Variants in AVEN observed in about 807,000 individuals in gnomAD.
AVEN encodes the protein apoptosis and caspase activation inhibitor, also known as cell death regulator Aven.
In AVEN, 41 loss-of-function variants were observed where a neutral mutation model predicts 38.1. The observed-to-expected ratio is 1.08, with a 90% confidence interval of 0.84 to 1.40. AVEN has a LOEUF of 1.40. AVEN is among the 40% of genes most tolerant of loss of function. The probability of loss-of-function intolerance (pLI) is 0.00; values close to 1 mark genes in which losing one functional copy is unlikely to be tolerated. For synonymous variants in AVEN, 206 were observed against 171.8 expected, an observed-to-expected ratio of 1.20 and a Z score of -1.56; for missense variants, 605 against 438.8, an observed-to-expected ratio of 1.38 and a Z score of -3.38.
rs137959122 is a variant in AVEN, at chr15:33,973,691, A to C, written c.445+29341T>G. ...ACTCCATCTCTATAAAAAAATCTAA[A>C]AGTTAAAAAAATAAGAAAATCTATT... On this transcript the variant is annotated intron_variant, in intron 2 of 5. Transcript: ENST00000306730. 2.9e-3 allele frequency among the ~76,000 whole-genome samples: 440 copies of C among 152,308 alleles called. 1 individual carries two copies. Among genetic ancestry groups the C allele is most frequent in the African/African-American group, 9.7e-3 (405 of 41,558 alleles).
chr15:33,955,257 G>A (rs1894912260), intron 2 of AVEN, among the ~76,000 whole-genome samples: 1 of 151,938 alleles, frequency 6.6e-6, no homozygotes, highest in African/African-American at 2.4e-5. Context: ...TTGGGCATAG[G>A]GTTGAATTTT....
downstream of AVEN, among the ~76,000 whole-genome samples, chr15:33,862,329 C>G (rs1353974820): frequency 6.6e-6 from 1 of 152,132 alleles, no homozygotes; most frequent in Non-Finnish European, 1.5e-5. Flanking sequence ...CCGCCTCAGC[C>G]TCCTGAGTAG....
intron 1 of AVEN, among the ~76,000 whole-genome samples, chr15:34,013,143 C>G (rs1897707106): frequency 6.6e-6 from 1 of 151,982 alleles, no homozygotes; most frequent in African/African-American, 2.4e-5. Context: ...CTCACTGCAA[C>G]CTCTGCCTCC....
At chr15:34,068,114 CTCTG>C (rs1172072524) in intron 2 of AVEN, among the ~76,000 whole-genome samples, 2 of 143,718 alleles carry the variant, frequency 1.4e-5, no homozygotes, top group Non-Finnish European at 3.0e-5. Flanking sequence ...TGCCTGCTCT[CTCTG>C]TATGTGTGTG....
chr15:34,022,218 T>C (rs1463006991), intron 1 of AVEN, among the ~76,000 whole-genome samples: 1 of 152,176 alleles, frequency 6.6e-6, no homozygotes, highest in Admixed American at 6.5e-5. Context: ...TTAGCAAAAA[T>C]TCCTTCTTTC....
At position 33,876,009 on chromosome 15, in the gene AVEN, A is replaced by G. The variant is rs755985571; in HGVS notation, c.446-14T>C. The G allele has an allele frequency of 3.1e-6, 5 of 1,598,440 alleles. No individual in the cohort carries two copies. The highest frequency in any genetic ancestry group is 2.7e-5 in the African/African-American group (2 of 73,704). ...AGAATGAGTCCCCTAGGAATAGGAA[A>G]AAAAAAAAAATTTATGCAAAAGCCA... On this transcript the variant is annotated splice_polypyrimidine_tract_variant and intron_variant, in intron 2 of 5. Coordinates refer to ENST00000306730, the MANE Select transcript of AVEN (RefSeq NM_020371.3).
downstream of AVEN, among the ~76,000 whole-genome samples, chr15:33,863,647 TTATGATGAAAA>T (rs1187910319): frequency 6.6e-6 from 1 of 152,164 alleles, no homozygotes; most frequent in Non-Finnish European, 1.5e-5. Flanking sequence ...CCGCAGCTAT[TTATGATGAAAA>T]CAAAACTATA....
intron 2 of AVEN, among the ~76,000 whole-genome samples, chr15:33,886,680 T>C (rs1211199560): frequency 6.6e-6 from 1 of 152,182 alleles, no homozygotes; most frequent in Non-Finnish European, 1.5e-5. Context: ...TGACTGTAAG[T>C]TTCCTGAGGC....
intron 2 of AVEN, among the ~76,000 whole-genome samples, chr15:33,879,194 C>T (rs908249690): frequency 3.3e-5 from 5 of 151,622 alleles, no homozygotes; most frequent in Middle Eastern, 3.4e-3. Context: ...AAATGTGGCA[C>T]ATATACACCA....
intron 2 of AVEN, among the ~76,000 whole-genome samples, chr15:34,002,328 T>G (rs558120545): frequency 6.1e-5 from 8 of 131,882 alleles, no homozygotes; most frequent in African/African-American, 2.3e-4. Context: ...CCTCCCACCC[T>G]CCCATCCCCA....
intron 4 of AVEN, among the ~76,000 whole-genome samples, chr15:33,870,032 G>C (rs1239594383): frequency 1.3e-5 from 2 of 152,080 alleles, no homozygotes; most frequent in African/African-American, 4.8e-5. Flanking sequence ...AACTCATAAA[G>C]TCCAAAACTC....
intron 2 of AVEN, among the ~76,000 whole-genome samples, chr15:33,904,505 G>A (rs779902285): frequency 3.7e-4 from 56 of 151,972 alleles, no homozygotes; most frequent in Admixed American, 7.9e-4. Flanking sequence ...TCTGCCTCCC[G>A]GGTTCAAACG....
intron 2 of AVEN, among the ~76,000 whole-genome samples, chr15:33,942,547 T>C (rs1311170588): frequency 6.6e-6 from 1 of 152,046 alleles, no homozygotes; most frequent in East Asian, 1.9e-4. Context: ...GCCCCCCGGA[T>C]TCACGCCATT....
intron 1 of AVEN, among the ~76,000 whole-genome samples, chr15:34,017,619 A>T (rs1897994920): frequency 6.6e-6 from 1 of 151,840 alleles, no homozygotes; most frequent in Non-Finnish European, 1.5e-5. Context: ...AGCTGTGACT[A>T]CAGGTGCATG....
At chr15:33,921,479 A>T (rs1297699462) in intron 2 of AVEN, among the ~76,000 whole-genome samples, 2 of 152,188 alleles carry the variant, frequency 1.3e-5, no homozygotes, top group Admixed American at 1.3e-4. Context: ...AGGAAAAGTC[A>T]AAGAAATAAG....
chr15:33,907,808 T>C (rs889709425), intron 2 of AVEN, among the ~76,000 whole-genome samples: 2 of 149,314 alleles, frequency 1.3e-5, no homozygotes, highest in African/African-American at 2.5e-5. Context: ...AAAAAAACTA[T>C]ATGGAGTAAA....
intron 5 of AVEN, among the ~76,000 whole-genome samples, chr15:34,052,521 G>T (rs1899963750): frequency 6.6e-6 from 1 of 152,148 alleles, no homozygotes; most frequent in African/African-American, 2.4e-5. Flanking sequence ...AGAAAGAAAT[G>T]AAGCATATTC....
chr15:34,014,082 G>C (rs962005833), intron 1 of AVEN, among the ~76,000 whole-genome samples: 4 of 152,150 alleles, frequency 2.6e-5, no homozygotes, highest in Non-Finnish European at 5.9e-5. Context: ...AACACATTTA[G>C]CTGGGCACAG....
chr15:33,924,756 T>C (rs150471920), intron 2 of AVEN, among the ~76,000 whole-genome samples: 35 of 152,342 alleles, frequency 2.3e-4, no homozygotes, highest in African/African-American at 7.7e-4. Context: ...GCTTTCAGAG[T>C]ACCTTCTTGC....
Sources: allele counts gnomAD v4.1 joint callset (sites outside exome capture counted in the v4.1 genomes callset), GRCh38; gene constraint gnomAD v4.1.1; transcripts MANE v1.5; gene names NCBI Gene and HGNC (gene_info 2026-07-23, HGNC 2026-07-21).